The following RBFOX1 variants were observed in gnomAD, a reference collection of about 807,000 sequenced individuals.
RBFOX1 encodes the protein RNA binding protein fox-1 homolog 1.
A neutral mutation model predicts 57.7 loss-of-function variants in RBFOX1; 8 were observed. That is an observed-to-expected ratio of 0.14 (90% CI 0.08 to 0.25). The LOEUF (loss-of-function observed/expected upper bound fraction) is 0.25, where lower values mean the gene tolerates loss of function less well. RBFOX1 is among the 10% of genes least tolerant of loss of function. The probability of loss-of-function intolerance (pLI) is 1.00; values close to 1 mark genes in which losing one functional copy is unlikely to be tolerated. For synonymous variants in RBFOX1, 326 were observed against 222.4 expected (o/e 1.47, Z -4.15); for missense variants, 611 against 548.5 (o/e 1.11, Z -1.14).
intron 1 of RBFOX1, among the ~76,000 whole-genome samples, chr16:6,194,813 G>A (rs928517005): frequency 6.6e-6 from 1 of 152,140 alleles, no homozygotes; most frequent in Non-Finnish European, 1.5e-5. Context: ...CTTCCCTTGA[G>A]GGCAAGAGCT....
chr16:6,601,323 A>G (rs1324396019), intron 2 of RBFOX1, among the ~76,000 whole-genome samples: 1 of 152,124 alleles, frequency 6.6e-6, no homozygotes, highest in Non-Finnish European at 1.5e-5. Context: ...CCCCTCTCTC[A>G]TGAACTTTCA....
intron 14 of RBFOX1, among the ~76,000 whole-genome samples, chr16:7,688,534 GCTA>G (rs780025857): frequency 9.9e-5 from 15 of 151,970 alleles, no homozygotes; most frequent in South Asian, 2.1e-4. Flanking sequence ...ACACAGGCTG[GCTA>G]CTGTTTTAAT....
chr16:6,994,812 C>G (rs2092011736), intron 3 of RBFOX1, among the ~76,000 whole-genome samples: 1 of 152,134 alleles, frequency 6.6e-6, no homozygotes. Flanking sequence ...AAACGATTTG[C>G]TTTCAGAGAC....
intron 3 of RBFOX1, among the ~76,000 whole-genome samples, chr16:6,814,762 G>C (rs781282055): frequency 6.6e-6 from 1 of 152,068 alleles, no homozygotes; most frequent in Non-Finnish European, 1.5e-5. Context: ...GGAGAGGTGG[G>C]GCTAGAGTTG....
intron 3 of RBFOX1, among the ~76,000 whole-genome samples, chr16:6,984,457 C>T (rs762244536): frequency 6.6e-6 from 1 of 152,092 alleles, no homozygotes; most frequent in Non-Finnish European, 1.5e-5. Context: ...ATATATATCC[C>T]TATGGATGAA....
At chr16:7,562,984 T>G (rs1601877222) in intron 5 of RBFOX1, among the ~76,000 whole-genome samples, 1 of 152,186 alleles carries the variant, frequency 6.6e-6, no homozygotes, top group African/African-American at 2.4e-5. Context: ...TTAAGGGACT[T>G]GACCCAGGGG....
intron 3 of RBFOX1, among the ~76,000 whole-genome samples, chr16:5,693,973 A>G (rs1405640272): frequency 6.6e-6 from 1 of 152,168 alleles, no homozygotes; most frequent in African/African-American, 2.4e-5. Flanking sequence ...TAGAGTAGAC[A>G]TCTTGTCTAT....
At chr16:5,338,510 A>G (rs938194310) in intron 1 of RBFOX1, among the ~76,000 whole-genome samples, 1 of 152,212 alleles carries the variant, frequency 6.6e-6, no homozygotes, top group African/African-American at 2.4e-5. Flanking sequence ...TCCTGAAGGT[A>G]ACCTTCTTGA....
In RBFOX1 at chr16:6,629,279, G is replaced by C. The variant is rs530925896; in HGVS notation, c.-63-25324G>C. ...ATCCCATTAGCATTGTCTTCAAAAA[G>C]AACACGAGCATATAAAATGTGCGAG... On this transcript the variant is annotated intron_variant, in intron 2 of 15. Coordinates refer to ENST00000550418, the MANE Select transcript of RBFOX1 (RefSeq NM_018723.4). 1.3e-4 allele frequency among the ~76,000 whole-genome samples: 20 copies of C among 152,256 alleles called. No individual in the cohort carries two copies. The East Asian group carries it at 3.5e-3, about 27-fold the overall frequency.
chr16:6,566,715 C>G (rs1327016298), intron 2 of RBFOX1, among the ~76,000 whole-genome samples: 1 of 152,200 alleles, frequency 6.6e-6, no homozygotes, highest in Admixed American at 6.5e-5. Flanking sequence ...TTCATCTTTA[C>G]TGTTCCTGGC....
intron 1 of RBFOX1, among the ~76,000 whole-genome samples, chr16:6,062,520 A>G (rs2152461773): frequency 6.6e-6 from 1 of 150,870 alleles, no homozygotes; most frequent in Non-Finnish European, 1.5e-5. Flanking sequence ...TATTTCTTAT[A>G]AATCACAATA....
chr16:6,490,160 G>A (rs1479143086), intron 2 of RBFOX1, among the ~76,000 whole-genome samples: 1 of 152,100 alleles, frequency 6.6e-6, no homozygotes. Flanking sequence ...GGTTTTTAGT[G>A]AATAGCAAAT....
chr16:6,230,262 T>C (rs1180784242), intron 1 of RBFOX1, among the ~76,000 whole-genome samples: 5 of 152,172 alleles, frequency 3.3e-5, no homozygotes, highest in East Asian at 1.9e-4. Context: ...CCAATCTCGA[T>C]TGGACACTTA....
At chr16:6,999,947 T>G (rs2092637552) in intron 3 of RBFOX1, among the ~76,000 whole-genome samples, 1 of 151,850 alleles carries the variant, frequency 6.6e-6, no homozygotes, top group South Asian at 2.1e-4. Flanking sequence ...TGGCACACAC[T>G]TGTAATTTCA....
chr16:6,942,129 C>T (rs867226254), intron 3 of RBFOX1, among the ~76,000 whole-genome samples: 1 of 152,148 alleles, frequency 6.6e-6, no homozygotes, highest in Non-Finnish European at 1.5e-5. Flanking sequence ...ATCCCAGCTA[C>T]TTGGGAGGCT....
At chr16:6,813,472 C>A (rs2089281699) in intron 3 of RBFOX1, among the ~76,000 whole-genome samples, 1 of 152,070 alleles carries the variant, frequency 6.6e-6, no homozygotes, top group Non-Finnish European at 1.5e-5. Flanking sequence ...AGGTTTTCTT[C>A]AGAGACAGGG....
chr16:6,869,268 C>T (rs865773946), intron 3 of RBFOX1, among the ~76,000 whole-genome samples: 6 of 152,156 alleles, frequency 3.9e-5, no homozygotes, highest in Admixed American at 3.9e-4. Flanking sequence ...CAATATGTTT[C>T]TCATAAGAAC....
chr16:6,054,132 T>G (rs2095585773), intron 1 of RBFOX1, among the ~76,000 whole-genome samples: 1 of 152,122 alleles, frequency 6.6e-6, no homozygotes, highest in South Asian at 2.1e-4. Flanking sequence ...AAACTGTCAG[T>G]TTGAAGCAGT....
intron 2 of RBFOX1, among the ~76,000 whole-genome samples, chr16:6,355,684 G>T (rs563508582): frequency 4.6e-5 from 7 of 152,254 alleles, no homozygotes; most frequent in African/African-American, 1.7e-4. Flanking sequence ...GGTATTTCTA[G>T]TTCTAGATAC....
Sources: allele counts gnomAD v4.1 joint callset (sites outside exome capture counted in the v4.1 genomes callset), GRCh38; gene constraint gnomAD v4.1.1; transcripts MANE v1.5; gene names NCBI Gene and HGNC (gene_info 2026-07-23, HGNC 2026-07-21).